The following PAXX variants were observed in gnomAD, a reference collection of about 807,000 sequenced individuals.
The protein encoded by PAXX is PAXX non-homologous end joining factor.
PAXX carries 27 observed loss-of-function variants against 25.6 expected under a neutral mutation model. That is an observed-to-expected ratio of 1.06 (90% CI 0.78 to 1.46). PAXX has a LOEUF of 1.46. PAXX is among the 40% of genes most tolerant of loss of function. The probability of loss-of-function intolerance (pLI) is 0.00; values close to 1 mark genes in which losing one functional copy is unlikely to be tolerated. For missense variants in PAXX, 295 were observed against 280.2 expected (o/e 1.05, Z -0.38); for synonymous variants, 126 against 125.7 (o/e 1.00, Z -0.02).
intron 1 of PAXX, 36 bp downstream of exon 1, chr9:136,992,598 G>A (rs1483679020): frequency 2.7e-5 from 41 of 1,529,446 alleles, no homozygotes; most frequent in Non-Finnish European, 3.6e-5. Flanking sequence ...GGGGTGCAGG[G>A]AGCTCCGCGG....
Position 136,993,965 on chromosome 9 carries a change from C to T in PAXX, c.*160C>T, listed in dbSNP as rs1588495545. The T allele has an allele frequency of 1.4e-6, 1 of 720,792 alleles. No homozygotes were observed. 44.6% of individuals were successfully genotyped at this position (720,792 alleles called of 1,614,324 possible). ...TTCCTTCCCTGTCAAATAAACAGCT[C>T]CCTTGGTTGGAGGCTCTGGTGGGGC... On this transcript the variant is annotated 3_prime_UTR_variant, in exon 7 of 7. Coordinates refer to ENST00000371620, the MANE Select transcript of PAXX (RefSeq NM_183241.3).
Position 136,993,249 on chromosome 9 carries a change from A to G in PAXX, c.421+6A>G. On this transcript the variant is annotated splice_donor_region_variant and intron_variant, in intron 4 of 6. Transcript: ENST00000371620. ...CCTGGAGCGGCGACTGGCAGGTAGG[A>G]TTGGGGGTGGGCACCTCATACCTTC... 2 of 1,544,890 alleles carry G rather than the reference A, an allele frequency of 1.3e-6. No homozygotes were observed. Among genetic ancestry groups the G allele is most frequent in the South Asian group, 2.4e-5 (2 of 82,130 alleles).
rs369629141 is a variant in PAXX, at chr9:136,993,307, G to A, written c.422-36G>A. On this transcript the variant is annotated intron_variant, in intron 4 of 6. Transcript: ENST00000371620. ...TCCCCTGCTCTTGCCCCCACTCCTG[G>A]CACTGAGTGGGGTTCCCATGGGCTT... is the stretch of plus-strand genomic sequence containing the variant. 1.2e-4 allele frequency: 194 copies of A among 1,593,480 alleles called. 2 individuals are homozygous for A. In the African/African-American group the frequency reaches 1.7e-3, roughly 14 times the overall value.
rs1226579848 is a variant in PAXX at position 136,992,674 on chromosome 9, T to C, written c.154T>C (p.Phe52Leu). 1.9e-6 allele frequency: 3 copies of C among 1,540,744 alleles called. No homozygotes were observed. The highest frequency in any genetic ancestry group is 2.6e-6 in the Non-Finnish European group (3 of 1,146,888). Residue 52 changes from phenylalanine to leucine, a missense_variant, in exon 2 of 7, where the codon TTC becomes CTC. By Grantham distance (22) the Phe-to-Leu change is conservative. Transcript: ENST00000371620. Reference sequence around the variant, plus strand: ...CGCCGCGGAGCTTTGGAGCACCTGCTTCACGCCGGACAGCCTGGCGGCCCT... The same window carrying C: ...CGCCGCGGAGCTTTGGAGCACCTGCCTCACGCCGGACAGCCTGGCGGCCCT... ...TDAAELWSTC[F>L]TPDSLAALKA... is the part of the protein sequence containing the mutation.
At chr9:136,993,516 C>T (rs569769166) in intron 5 of PAXX, 64 bp from the exon 6 acceptor site, 128 of 1,603,028 alleles carry the variant, frequency 8.0e-5, no homozygotes, top group African/African-American at 7.4e-4. Flanking sequence ...CCTATCTATT[C>T]GGAGAAGGTT....
chr9:136,992,853 C>T, intron 2 of PAXX, 72 bp from the exon 3 acceptor site: 7 of 1,607,516 alleles, frequency 4.4e-6, no homozygotes, highest in South Asian at 1.1e-5. Flanking sequence ...GCTCTGGGGT[C>T]GGGCAGGTTT....
chr9:136,993,688 T>G (rs1314159964), intron 6 of PAXX, 24 bp downstream of exon 6: 4 of 1,613,478 alleles, frequency 2.5e-6, no homozygotes, highest in Non-Finnish European at 2.5e-6. Flanking sequence ...GCCCCCTTCC[T>G]GCGCCCAGGG....
Position 136,993,401 on chromosome 9 carries a change from C to T in PAXX, c.480C>T (p.Leu160=), listed in dbSNP as rs1396722270. 3.1e-6 allele frequency: 5 copies of T among 1,606,510 alleles called. No homozygotes were observed. The highest frequency in any genetic ancestry group is 4.3e-6 in the Non-Finnish European group (5 of 1,176,340). Reference sequence around the variant, plus strand: ...GCCCCCGGCCTGCAGGGCCTCAGCTCTTCTTACCAGGTAAGGCATGTCCGC... The same window carrying T: ...GCCCCCGGCCTGCAGGGCCTCAGCTTTTCTTACCAGGTAAGGCATGTCCGC... The part of the protein sequence containing the change: ...RKSPRPAGPQ[L]FLPDPDPQRG... Residue 160 remains leucine (L), a synonymous_variant, in exon 5 of 7, where the codon CTC becomes CTT. Coordinates refer to ENST00000371620, the MANE Select transcript of PAXX (RefSeq NM_183241.3).
In PAXX at chr9:136,992,708, A is replaced by C. The variant is rs1451250931; in HGVS notation, c.180+8A>C. The C allele has an allele frequency of 6.5e-7, 1 of 1,540,958 alleles. No individual in the cohort carries two copies. Among genetic ancestry groups the C allele is most frequent in the South Asian group, 1.2e-5 (1 of 84,464 alleles). On this transcript the variant is annotated splice_region_variant and intron_variant, in intron 2 of 6. Transcript: ENST00000371620. ...GACAGCCTGGCGGCCCTCGTGGGTA[A>C]CTGGGCGGGTCTGGGAGCCGCCACA... is the stretch of plus-strand genomic sequence containing the variant.
rs1392041247 is a variant in PAXX at position 136,993,379 on chromosome 9, C to T, written c.458C>T (p.Pro153Leu). 1.2e-6 allele frequency: 2 copies of T among 1,606,518 alleles called. No individual in the cohort carries two copies. The highest frequency in any genetic ancestry group is 1.1e-5 in the South Asian group (1 of 90,140). The change falls in exon 5 of 7, where the codon CCC becomes CTC. Residue 153 changes from proline (P) to leucine (L), a missense_variant. By Grantham distance (98) the Pro-to-Leu change is moderately conservative. Transcript: ENST00000371620. The part of the protein sequence containing the change: ...EETAVSPRKS[P>L]RPAGPQLFLP... The stretch of plus-strand genomic sequence containing the variant: ...ACAGCTGTCAGCCCGAGGAAGAGCC[C>T]CCGGCCTGCAGGGCCTCAGCTCTTC...
rs2131406766 is a variant in PAXX at position 136,992,890 on chromosome 9, C to A, written c.181-35C>A. On this transcript the variant is annotated intron_variant, in intron 2 of 6. Coordinates refer to ENST00000371620, the MANE Select transcript of PAXX (RefSeq NM_183241.3). The stretch of plus-strand genomic sequence containing the variant: ...GGGTGCCCCCAGTGGGCCTCGGGTT[C>A]CAGGCAGCTCGTGACAAGCCCCTGT... 2.5e-6 allele frequency: 4 copies of A among 1,613,082 alleles called. No homozygotes were observed. The South Asian group carries it at 4.4e-5, about 18-fold the overall frequency.
intron 5 of PAXX, 71 bp from the exon 6 acceptor site, chr9:136,993,509 A>T: frequency 6.2e-7 from 1 of 1,601,114 alleles, no homozygotes; most frequent in Non-Finnish European, 8.6e-7. Flanking sequence ...GAGAATGCCT[A>T]TCTATTCGGA....
Position 136,992,433 on chromosome 9 carries a change from C to T in PAXX, c.-11C>T, listed in dbSNP as rs974219293. On this transcript the variant is annotated 5_prime_UTR_variant, in exon 1 of 7. Transcript: ENST00000371620. ...AGCCCCGCCCCGCCGGGTTCCCGCT[C>T]GCCCGGCGCCATGGATCCGCTGTCG... The T allele has an allele frequency of 6.0e-6, 7 of 1,175,470 alleles. No individual in the cohort carries two copies. The highest frequency in any genetic ancestry group is 4.0e-5 in the South Asian group (2 of 50,464). 72.8% of individuals were successfully genotyped at this position (1,175,470 alleles called of 1,614,324 possible). A position where few individuals can be genotyped will look rare whatever the true frequency, so the allele number is the denominator to read the frequency against.
chr9:136,993,715 A>C, intron 6 of PAXX, 51 bp downstream of exon 6: 1 of 1,612,622 alleles, frequency 6.2e-7, no homozygotes, highest in East Asian at 2.2e-5. Flanking sequence ...CCTGGACCCC[A>C]CCCCTTTCTC....
Position 136,992,447 on chromosome 9 carries a change from G to C in PAXX, c.4G>C (p.Asp2His). 1 of 1,280,798 alleles carries C rather than the reference G, an allele frequency of 7.8e-7. No individual in the cohort carries two copies. The highest frequency in any genetic ancestry group is 1.8e-5 in the South Asian group (1 of 55,536). 79.3% of individuals were successfully genotyped at this position (1,280,798 alleles called of 1,614,324 possible). A position where few individuals can be genotyped will look rare whatever the true frequency, so the allele number is the denominator to read the frequency against. Residue 2 changes from aspartate (D) to histidine (H), a missense_variant, in exon 1 of 7, where the codon GAT (aspartate) becomes CAT (histidine). By Grantham distance (81) the Asp-to-His change is moderately conservative. Transcript: ENST00000371620. Reference protein sequence around the residue: MDPLSPPLCTLP... With the variant: MHPLSPPLCTLP... ...GGGTTCCCGCTCGCCCGGCGCCATG[G>C]ATCCGCTGTCGCCGCCGCTCTGCAC...
intron 2 of PAXX, 51 bp from the exon 3 acceptor site, chr9:136,992,874 C>T (rs1417094754): frequency 1.9e-6 from 3 of 1,612,516 alleles, no homozygotes; most frequent in African/African-American, 2.7e-5. Context: ...CGGGTGCCCC[C>T]AGTGGGCCTC....
intron 5 of PAXX, 38 bp from the exon 6 acceptor site, chr9:136,993,542 C>G: frequency 6.2e-7 from 1 of 1,608,326 alleles, no homozygotes; most frequent in African/African-American, 1.3e-5. Context: ...TGGGATGCTG[C>G]CAGGTTCAGG....
chr9:136,992,950 C>A lies in PAXX; in HGVS notation c.206C>A (p.Ala69Asp). Residue 69 changes from alanine to aspartate, a missense_variant, in exon 3 of 7, where the codon GCT (alanine) becomes GAT (aspartate). By Grantham distance (126) the Ala-to-Asp change is moderately radical. Transcript: ENST00000371620. The stretch of plus-strand genomic sequence containing the variant: ...AAAGCCCGTTTTGGCCTGAGTGCGG[C>A]TGAGGACATCACCCCCCGGTTCAGG... The part of the protein sequence containing the change: ...ALKARFGLSA[A>D]EDITPRFRAA... The A allele has an allele frequency of 6.2e-7, 1 of 1,613,584 alleles. No individual in the cohort carries two copies. The highest frequency in any genetic ancestry group is 8.5e-7 in the Non-Finnish European group (1 of 1,179,988).
rs369428394 is a variant in PAXX, at chr9:136,993,035, G to A, written c.231-18G>A. On this transcript the variant is annotated intron_variant, in intron 3 of 6. Coordinates refer to ENST00000371620, the MANE Select transcript of PAXX (RefSeq NM_183241.3). ...GGAGGAGGGTCTGCCACAGCTCTCC[G>A]CACCTCTCCTCTCCCAGGGCAGCCT... The A allele has an allele frequency of 6.2e-6, 10 of 1,612,610 alleles. No individual in the cohort carries two copies. In the East Asian group the frequency reaches 1.1e-4, roughly 18 times the overall value.
Sources: gnomAD v4.1 joint callset for allele counts on GRCh38, gnomAD v4.1.1 for gene constraint, MANE v1.5 for transcripts, NCBI Gene and HGNC (gene_info 2026-07-23, HGNC 2026-07-21) for gene names.